TGM4: variants seen among roughly 807,000 people sequenced by gnomAD.
TGM4 encodes protein-glutamine gamma-glutamyltransferase 4.
Under a neutral mutation model 76.3 loss-of-function variants are expected in TGM4, and 61 were observed. That is an observed-to-expected ratio of 0.80 (90% CI 0.65 to 0.99). The LOEUF (loss-of-function observed/expected upper bound fraction) is 0.99. TGM4 is among the 50% of genes least tolerant of loss of function. The pLI, the probability that TGM4 is intolerant of heterozygous loss-of-function variation, is 0.00. For missense variants in TGM4, 794 were observed against 843.2 expected (o/e 0.94, Z 0.72); for synonymous variants, 337 against 329.8 (o/e 1.02, Z -0.24).
chr3:44,887,855 T>TAG, intron 3 of TGM4, 60 bp downstream of exon 3: 1 of 1,456,168 alleles, frequency 6.9e-7, no homozygotes, highest in Non-Finnish European at 9.6e-7. Flanking sequence ...GCTCCTAATG[T>TAG]GAGCAGCCCC....
At position 44,888,104 on chromosome 3, in the gene TGM4, C is replaced by A. The variant is rs9942026; in HGVS notation, c.300+309C>A. ...TAAAAATAACCCATGGTTCCACCAA[C>A]TAAGTTACCCATCCTTCCTTCCAGG... On this transcript the variant is annotated intron_variant, in intron 3 of 13. Coordinates refer to ENST00000296125, the MANE Select transcript of TGM4 (RefSeq NM_003241.4). 3.9e-3 allele frequency: 1,205 copies of A among 311,328 alleles called. 12 individuals carry two copies. The highest frequency in any genetic ancestry group is 0.024 in the African/African-American group (1,124 of 47,662). 19.3% of individuals were successfully genotyped at this position (311,328 alleles called of 1,614,324 possible). A position where few individuals can be genotyped will look rare whatever the true frequency, so the allele number is the denominator to read the frequency against.
At position 44,902,253 on chromosome 3, in the gene TGM4, T is replaced by A. The variant is rs145819927; in HGVS notation, c.971+322T>A. Reference sequence around the variant, plus strand: ...TCACTGTTCCTGAAATTCAATATTTTTCAACATTTGGCCTTGGACAATCTG... The same window carrying A: ...TCACTGTTCCTGAAATTCAATATTTATCAACATTTGGCCTTGGACAATCTG... On this transcript the variant is annotated intron_variant, in intron 8 of 13. Transcript: ENST00000296125. 2.1e-3 allele frequency among the ~76,000 whole-genome samples: 317 copies of A among 152,310 alleles called. 1 individual carries two copies. Among genetic ancestry groups the A allele is most frequent in the African/African-American group, 7.3e-3 (304 of 41,554 alleles).
At chr3:44,901,408 A>C in intron 6 of TGM4, 116 bp from the exon 7 acceptor site, 1 of 1,268,058 alleles carries the variant, frequency 7.9e-7, no homozygotes, top group Non-Finnish European at 1.1e-6. Context: ...CACGTCCTCC[A>C]AGTACTCTGA....
In TGM4 at chr3:44,904,099, A is replaced by G. The variant is rs540037966; in HGVS notation, c.1075+112A>G. 379 of 948,248 alleles carry G rather than the reference A, an allele frequency of 4.0e-4. 2 individuals carry two copies. The highest frequency in any genetic ancestry group is 2.7e-3 in the African/African-American group (168 of 61,680). 58.7% of individuals were successfully genotyped at this position (948,248 alleles called of 1,614,324 possible). A position where few individuals can be genotyped will look rare whatever the true frequency, so the allele number is the denominator to read the frequency against. On this transcript the variant is annotated intron_variant, in intron 9 of 13. Coordinates refer to ENST00000296125, the MANE Select transcript of TGM4 (RefSeq NM_003241.4). ...GCAGGTGGGGAAAGTTTTCATAAAA[A>G]TTTCCCAAAACAAAAAGCATGCTCA...
At chr3:44,875,670 G>A (rs1699441931) in intron 1 of TGM4, among the ~76,000 whole-genome samples, 1 of 152,242 alleles carries the variant, frequency 6.6e-6, no homozygotes, top group Admixed American at 6.5e-5. Flanking sequence ...AGCAGGGTTT[G>A]CTCAGCAGCC....
chr3:44,885,621 T>G, intron 2 of TGM4, 123 bp downstream of exon 2: 1 of 1,026,202 alleles, frequency 9.7e-7, no homozygotes, highest in African/African-American at 1.6e-5. Flanking sequence ...ATCCCCAGTT[T>G]CTCCATCTGT....
At chr3:44,876,018 A>G (rs1009369929) in intron 1 of TGM4, among the ~76,000 whole-genome samples, 5 of 152,182 alleles carry the variant, frequency 3.3e-5, no homozygotes, top group African/African-American at 1.2e-4. Context: ...CCGTGAAAGC[A>G]CTATATAAAT....
intron 3 of TGM4, chr3:44,889,170 TAAAAAAA>T (rs546432543): frequency 1.9e-3 from 75 of 40,268 alleles, no homozygotes; most frequent in African/African-American, 3.6e-3. Context: ...CCATCTCTAC[TAAAAAAA>T]AAAAAAAAAA....
chr3:44,886,970 T>C (rs938293544), intron 2 of TGM4, among the ~76,000 whole-genome samples: 4 of 152,230 alleles, frequency 2.6e-5, no homozygotes, highest in African/African-American at 9.6e-5. Context: ...GAAGTGACCC[T>C]GCTGAGACCC....
chr3:44,886,681 A>G (rs113173730), intron 2 of TGM4, among the ~76,000 whole-genome samples: 4 of 152,320 alleles, frequency 2.6e-5, no homozygotes, highest in African/African-American at 7.2e-5. Flanking sequence ...AGCACTCTCC[A>G]TGTATGACAT....
At chr3:44,911,543 AC>A in intron 13 of TGM4, 137 bp downstream of exon 13, 1 of 959,096 alleles carries the variant, frequency 1.0e-6, no homozygotes, top group South Asian at 1.9e-5. Flanking sequence ...GTGCCAAATT[AC>A]TTTGAGAAAA....
At position 44,907,115 on chromosome 3, in the gene TGM4, C is replaced by A. The variant is rs749505302; in HGVS notation, c.1242C>A (p.Thr414=). 42 of 1,613,880 alleles carry A rather than the reference C, an allele frequency of 2.6e-5. No homozygotes were observed. The African/African-American group carries it at 5.2e-4, about 20-fold the overall frequency. The change falls in exon 10 of 14, where the codon ACC becomes ACA. Residue 414 remains threonine, a synonymous_variant. Transcript: ENST00000296125. ...AGTTACACGTAATTTCAATGGAGAC[C>A]ACAAGCATCGGGAAAAACATCAGCA... The part of the protein sequence containing the change: ...QEELHVISME[T]TSIGKNISTK...
chr3:44,897,535 C>T (rs1332534059), intron 6 of TGM4, among the ~76,000 whole-genome samples: 1 of 152,234 alleles, frequency 6.6e-6, no homozygotes, highest in East Asian at 1.9e-4. Context: ...GGAAACCCCT[C>T]AGTCTTGGGC....
chr3:44,905,777 G>T (rs556419992), intron 9 of TGM4, among the ~76,000 whole-genome samples: 1 of 152,328 alleles, frequency 6.6e-6, no homozygotes, highest in East Asian at 1.9e-4. Context: ...ATAATAGGGG[G>T]TGAGGGTGGT....
chr3:44,904,070 C>G, intron 9 of TGM4, 83 bp downstream of exon 9: 3 of 1,227,814 alleles, frequency 2.4e-6, no homozygotes, highest in Non-Finnish European at 3.5e-6. Context: ...GGGTATGCAG[C>G]CAAGCAGGTG....
intron 6 of TGM4, 149 bp from the exon 7 acceptor site, chr3:44,901,375 C>A: frequency 2.2e-6 from 2 of 924,930 alleles, no homozygotes; most frequent in Non-Finnish European, 3.2e-6. Context: ...CCCTTCTGGG[C>A]ACCCCACCTG....
rs1699651632 is a variant in TGM4 at position 44,889,073 on chromosome 3, T to C, written c.300+1278T>C. On this transcript the variant is annotated intron_variant, in intron 3 of 13. Transcript: ENST00000296125. ...ATTCCAAACTTTTAAACAAGAAAAC[T>C]GAGGCACAGGAGAGGTTAAGTAATC... is the stretch of plus-strand genomic sequence containing the variant. The C allele has an allele frequency of 1.4e-5, 2 of 144,164 alleles. 1 individual carries two copies. Among genetic ancestry groups the C allele is most frequent in the Admixed American group, 1.5e-4 (2 of 13,300 alleles). The allele number at this position is 144,164 out of a possible 1,614,324, so 8.9% of individuals were successfully genotyped here.
intron 10 of TGM4, among the ~76,000 whole-genome samples, chr3:44,907,591 T>C (rs2125759599): frequency 6.6e-6 from 1 of 152,312 alleles, no homozygotes; most frequent in African/African-American, 2.4e-5. Context: ...TTAGACATCT[T>C]CTCAGCCTGG....
At chr3:44,903,810 G>A in intron 8 of TGM4, 74 bp from the exon 9 acceptor site, 1 of 1,355,866 alleles carries the variant, frequency 7.4e-7, no homozygotes, top group East Asian at 2.3e-5. Flanking sequence ...GATGTCTCTG[G>A]CAATTTTGGC....
Sources: gnomAD v4.1 joint callset for allele counts (sites outside exome capture counted in the v4.1 genomes callset) on GRCh38, gnomAD v4.1.1 for gene constraint, MANE v1.5 for transcripts, NCBI Gene and HGNC (gene_info 2026-07-23, HGNC 2026-07-21) for gene names.